The following HEPACAM2 variants were observed in gnomAD, a reference collection of about 807,000 sequenced individuals.
The protein encoded by HEPACAM2 is mitotic kinetics regulator.
In HEPACAM2, 49 loss-of-function variants were observed where a neutral mutation model predicts 49.6. That is an observed-to-expected ratio of 0.99 (90% CI 0.78 to 1.25). HEPACAM2 has a LOEUF of 1.25. Among genes scored for constraint, HEPACAM2 ranks in the 50% most tolerant of loss-of-function variants. The pLI, the probability that HEPACAM2 is intolerant of heterozygous loss-of-function variation, is 0.00. For missense variants in HEPACAM2, 525 were observed against 557.2 expected, an observed-to-expected ratio of 0.94 and a Z score of 0.58; for synonymous variants, 197 against 202.9, an observed-to-expected ratio of 0.97 and a Z score of 0.25.
chr7:93,200,105 A>G (rs995956044), intron 4 of HEPACAM2, among the ~76,000 whole-genome samples: 1 of 151,846 alleles, frequency 6.6e-6, no homozygotes, highest in Non-Finnish European at 1.5e-5. Flanking sequence ...TGTATGTAGT[A>G]TTTATATTAT....
intron 3 of HEPACAM2, among the ~76,000 whole-genome samples, chr7:93,210,517 ACAAT>A (rs1263760043): frequency 1.3e-5 from 2 of 151,928 alleles, no homozygotes; most frequent in African/African-American, 2.4e-5. Flanking sequence ...TACTAGTTCT[ACAAT>A]CAATTACTAA....
chr7:93,195,769 TA>T, intron 8 of HEPACAM2, 58 bp downstream of exon 8: 1 of 1,333,952 alleles, frequency 7.5e-7, no homozygotes, highest in East Asian at 2.3e-5. Context: ...AAATGCTTTT[TA>T]CACCTCTGGT....
intron 2 of HEPACAM2, 22 bp from the exon 3 acceptor site, chr7:93,215,707 G>T: frequency 6.3e-7 from 1 of 1,597,690 alleles, no homozygotes; most frequent in Non-Finnish European, 8.5e-7. Context: ...AGAGAGATAT[G>T]AATGATTTTT....
At chr7:93,224,352 AAAC>A (rs1344239363) in intron 1 of HEPACAM2, among the ~76,000 whole-genome samples, 1 of 152,174 alleles carries the variant, frequency 6.6e-6, no homozygotes, top group Non-Finnish European at 1.5e-5. Context: ...ATTTGGACTT[AAAC>A]GGAAATTTAA....
Position 93,189,110 on chromosome 7 carries a change from T to C in HEPACAM2, c.*157A>G, listed in dbSNP as rs1562817352. 1.8e-6 allele frequency: 1 copy of C among 560,344 alleles called. No individual in the cohort carries two copies. Among genetic ancestry groups the C allele is most frequent in the Non-Finnish European group, 3.1e-6 (1 of 319,850 alleles). 34.7% of individuals were successfully genotyped at this position (560,344 alleles called of 1,614,324 possible). ...ATGCTGAAAAACCTGCAGTTCAATTTGCATAAATGCCTCTATTCTGCATGT... is the reference window on the plus strand; with the variant it reads ...ATGCTGAAAAACCTGCAGTTCAATTCGCATAAATGCCTCTATTCTGCATGT... On this transcript the variant is annotated 3_prime_UTR_variant, in exon 10 of 10. Transcript: ENST00000394468.
At chr7:93,217,310 A>G (rs1379392713) in intron 2 of HEPACAM2, among the ~76,000 whole-genome samples, 1 of 152,198 alleles carries the variant, frequency 6.6e-6, no homozygotes, top group East Asian at 1.9e-4. Flanking sequence ...TTGTGATCAT[A>G]CATTTGCTTA....
At chr7:93,195,943 G>A in intron 7 of HEPACAM2, 42 bp from the exon 8 acceptor site, 1 of 1,395,716 alleles carries the variant, frequency 7.2e-7, no homozygotes, top group Non-Finnish European at 1.0e-6. Flanking sequence ...CGAATGCCTT[G>A]ATTTGCTGTT....
chr7:93,223,571 T>G (rs1794489121), intron 1 of HEPACAM2, among the ~76,000 whole-genome samples: 1 of 152,176 alleles, frequency 6.6e-6, no homozygotes, highest in Non-Finnish European at 1.5e-5. Context: ...ATACCTTAAA[T>G]AATATATTGC....
At chr7:93,214,125 G>A (rs989375643) in intron 3 of HEPACAM2, among the ~76,000 whole-genome samples, 5 of 152,088 alleles carry the variant, frequency 3.3e-5, no homozygotes, top group Admixed American at 1.3e-4. Context: ...GGTTGTGTTT[G>A]TACATGTTAT....
chr7:93,211,963 C>G (rs1181882825), intron 3 of HEPACAM2, among the ~76,000 whole-genome samples: 1 of 151,982 alleles, frequency 6.6e-6, no homozygotes, highest in Non-Finnish European at 1.5e-5. Flanking sequence ...TAATTTAATA[C>G]ACATAAAAAT....
intron 4 of HEPACAM2, 127 bp from the exon 5 acceptor site, chr7:93,197,737 CAG>C (rs111505689): frequency 0.011 from 6,769 of 604,402 alleles, 1 homozygote; most frequent in South Asian, 0.015. Flanking sequence ...TAGAGACACA[CAG>C]AGAGAGAGAG....
chr7:93,213,738 G>C (rs1346236222), intron 3 of HEPACAM2, among the ~76,000 whole-genome samples: 1 of 152,052 alleles, frequency 6.6e-6, no homozygotes, highest in East Asian at 1.9e-4. Context: ...AAGCAGTGAG[G>C]ACCCGGAATG....
Position 93,188,765 on chromosome 7 carries a change from A to G in HEPACAM2, c.*502T>C, listed in dbSNP as rs1395933233. On this transcript the variant is annotated 3_prime_UTR_variant, in exon 10 of 10. Coordinates refer to ENST00000394468, the MANE Select transcript of HEPACAM2 (RefSeq NM_001039372.4). ...ACAACCATCCTTATTACTTTGTTGT[A>G]CAAATAACAAGATAGAAATTTGGAA... 2 of 359,718 alleles carry G rather than the reference A, an allele frequency of 5.6e-6. No homozygotes were observed. The highest frequency in any genetic ancestry group is 1.4e-3 in the Middle Eastern group (2 of 1,402). 22.3% of individuals were successfully genotyped at this position (359,718 alleles called of 1,614,324 possible). A position where few individuals can be genotyped will look rare whatever the true frequency, so the allele number is the denominator to read the frequency against.
At chr7:93,192,884 T>C (rs1304580216) in intron 8 of HEPACAM2, among the ~76,000 whole-genome samples, 1 of 152,120 alleles carries the variant, frequency 6.6e-6, no homozygotes, top group Non-Finnish European at 1.5e-5. Context: ...GGTTTAAATG[T>C]AGTAATGGAC....
intron 7 of HEPACAM2, among the ~76,000 whole-genome samples, chr7:93,196,755 T>C (rs189363713): frequency 2.0e-5 from 3 of 152,292 alleles, no homozygotes; most frequent in Admixed American, 6.5e-5. Context: ...GTCAGTACAG[T>C]CAATATTGAT....
At chr7:93,220,764 A>G (rs1283313160) in intron 1 of HEPACAM2, among the ~76,000 whole-genome samples, 2 of 152,134 alleles carry the variant, frequency 1.3e-5, no homozygotes, top group Non-Finnish European at 2.9e-5. Context: ...TGGCAACTGG[A>G]GATTTCCCCG....
intron 1 of HEPACAM2, among the ~76,000 whole-genome samples, chr7:93,220,726 C>T (rs1254675923): frequency 6.6e-6 from 1 of 152,306 alleles, no homozygotes; most frequent in Non-Finnish European, 1.5e-5. Context: ...GCATTCACTG[C>T]TGTATCTTCA....
chr7:93,209,948 G>GA (rs984377793), intron 3 of HEPACAM2, among the ~76,000 whole-genome samples: 11 of 150,416 alleles, frequency 7.3e-5, no homozygotes, highest in African/African-American at 2.4e-4. Flanking sequence ...GATTCCATTT[G>GA]AAAAAAAAAG....
intron 1 of HEPACAM2, 31 bp downstream of exon 1, chr7:93,226,337 C>A: frequency 6.7e-7 from 1 of 1,484,698 alleles, no homozygotes; most frequent in Non-Finnish European, 9.3e-7. Flanking sequence ...ACCTAACAAA[C>A]AGCTAAAACA....
Sources: allele counts gnomAD v4.1 joint callset (sites outside exome capture counted in the v4.1 genomes callset), GRCh38; gene constraint gnomAD v4.1.1; transcripts MANE v1.5; gene names NCBI Gene and HGNC (gene_info 2026-07-23, HGNC 2026-07-21).